SUCLG2: variants seen among roughly 807,000 people sequenced by gnomAD.
SUCLG2 encodes the protein succinate-CoA ligase GDP-forming subunit beta, also known as succinate--CoA ligase [GDP-forming] subunit beta, mitochondrial.
A neutral mutation model predicts 47.9 loss-of-function variants in SUCLG2; 42 were observed. The observed-to-expected ratio is 0.88, with a 90% CI of 0.69 to 1.14. SUCLG2 has a LOEUF of 1.14. Ranked by LOEUF, SUCLG2 falls within the 50% of genes most tolerant of loss-of-function variation. SUCLG2 has a pLI of 0.00. For missense variants in SUCLG2, 571 were observed against 525.9 expected (o/e 1.09, Z -0.84); for synonymous variants, 195 against 197.3 (o/e 0.99, Z 0.10).
chr3:67,453,223 C>T (rs1235792343), intron 9 of SUCLG2, among the ~76,000 whole-genome samples: 1 of 149,930 alleles, frequency 6.7e-6, no homozygotes, highest in Non-Finnish European at 1.5e-5. Flanking sequence ...ATTCAGACTT[C>T]TTTTTTTTTT....
chr3:67,507,699 A>C (rs1430861420), intron 7 of SUCLG2, among the ~76,000 whole-genome samples: 1 of 152,204 alleles, frequency 6.6e-6, no homozygotes, highest in East Asian at 1.9e-4. Context: ...TGCTAAGGAG[A>C]AAATATTGTC....
At chr3:67,463,702 G>T (rs1704394637) in intron 9 of SUCLG2, among the ~76,000 whole-genome samples, 2 of 152,142 alleles carry the variant, frequency 1.3e-5, no homozygotes, top group African/African-American at 4.8e-5. Context: ...GATACTGTTA[G>T]CCTGGAAAAT....
At chr3:67,496,459 C>T (rs1705342602) in intron 8 of SUCLG2, among the ~76,000 whole-genome samples, 1 of 152,166 alleles carries the variant, frequency 6.6e-6, no homozygotes, top group Non-Finnish European at 1.5e-5. Context: ...ACAGGCTTCC[C>T]AACTTCAGTG....
chr3:67,495,159 T>A (rs1705298668), intron 9 of SUCLG2, among the ~76,000 whole-genome samples: 2 of 152,276 alleles, frequency 1.3e-5, no homozygotes, highest in South Asian at 4.1e-4. Context: ...TACTCTTCCC[T>A]CTAAATCATG....
chr3:67,439,295 A>G (rs1703699989), intron 9 of SUCLG2, among the ~76,000 whole-genome samples: 1 of 152,222 alleles, frequency 6.6e-6, no homozygotes, highest in South Asian at 2.1e-4. Flanking sequence ...TGAATGGGCA[A>G]AAGCTGGAAG....
At chr3:67,440,368 A>G (rs550553240) in intron 9 of SUCLG2, among the ~76,000 whole-genome samples, 10 of 152,374 alleles carry the variant, frequency 6.6e-5, no homozygotes, top group African/African-American at 2.2e-4. Flanking sequence ...AACAAAAGCC[A>G]AAATTGACAA....
intron 10 of SUCLG2, among the ~76,000 whole-genome samples, chr3:67,377,385 G>C (rs1289921119): frequency 3.3e-5 from 5 of 152,210 alleles, no homozygotes; most frequent in Non-Finnish European, 7.3e-5. Context: ...ATCTGTGGCA[G>C]GCCTGGCTGG....
intron 10 of SUCLG2, among the ~76,000 whole-genome samples, chr3:67,368,799 T>A (rs569199240): frequency 1.3e-5 from 2 of 152,050 alleles, no homozygotes; most frequent in South Asian, 4.2e-4. Context: ...AGAGGAGGGG[T>A]TTCACCATGC....
chr3:67,491,822 C>T (rs905741476), intron 9 of SUCLG2, among the ~76,000 whole-genome samples: 44 of 152,106 alleles, frequency 2.9e-4, no homozygotes, highest in African/African-American at 1.0e-3. Flanking sequence ...TATTTTCCCT[C>T]TAAATGAAAA....
intron 2 of SUCLG2, among the ~76,000 whole-genome samples, chr3:67,552,136 G>A (rs921495330): frequency 1.5e-5 from 2 of 132,446 alleles, no homozygotes; most frequent in Admixed American, 1.7e-4. Flanking sequence ...GAAAACACTT[G>A]CACTCCAGCC....
chr3:67,600,675 C>A (rs1708400181), intron 2 of SUCLG2, among the ~76,000 whole-genome samples: 1 of 152,206 alleles, frequency 6.6e-6, no homozygotes, highest in Admixed American at 6.5e-5. Flanking sequence ...TTCCCAGCCA[C>A]CCTTGAAGTT....
intron 2 of SUCLG2, among the ~76,000 whole-genome samples, chr3:67,571,852 T>G (rs1433136603): frequency 6.6e-6 from 1 of 152,232 alleles, no homozygotes; most frequent in Non-Finnish European, 1.5e-5. Flanking sequence ...TATGCAAAAT[T>G]TGTCTTCTCT....
chr3:67,504,313 A>C (rs1286255080), intron 7 of SUCLG2, among the ~76,000 whole-genome samples: 1 of 152,182 alleles, frequency 6.6e-6, no homozygotes, highest in Non-Finnish European at 1.5e-5. Flanking sequence ...TTGTGTATAA[A>C]GACAGAAACA....
intron 9 of SUCLG2, among the ~76,000 whole-genome samples, chr3:67,484,254 T>C (rs1368500376): frequency 6.6e-6 from 1 of 152,110 alleles, no homozygotes; most frequent in African/African-American, 2.4e-5. Flanking sequence ...AGTCCTAGAG[T>C]ATGGCCCCCA....
chr3:67,381,241 G>C (rs968208047), intron 10 of SUCLG2, among the ~76,000 whole-genome samples: 2 of 151,972 alleles, frequency 1.3e-5, no homozygotes, highest in African/African-American at 4.8e-5. Flanking sequence ...AAACAGCAGA[G>C]AGTGGAAACA....
intron 2 of SUCLG2, among the ~76,000 whole-genome samples, chr3:67,577,495 T>A (rs6787983): frequency 0.27 from 40,520 of 152,016 alleles, 6,189 homozygotes; most frequent in East Asian, 0.42. Flanking sequence ...TACATGGAAA[T>A]GACACAGGAG....
chr3:67,364,548 C>T (rs976961210), intron 10 of SUCLG2, among the ~76,000 whole-genome samples: 2 of 152,102 alleles, frequency 1.3e-5, no homozygotes, highest in Non-Finnish European at 2.9e-5. Flanking sequence ...TCAGTGGAGG[C>T]GTAATGAAAA....
chr3:67,512,246 A>T (rs887584984), intron 6 of SUCLG2, among the ~76,000 whole-genome samples: 1 of 151,254 alleles, frequency 6.6e-6, no homozygotes, highest in Non-Finnish European at 1.5e-5. Flanking sequence ...GAGTATTTTT[A>T]AAAATTCTCC....
intron 9 of SUCLG2, among the ~76,000 whole-genome samples, chr3:67,410,218 T>C (rs2106834577): frequency 6.6e-6 from 1 of 152,316 alleles, no homozygotes; most frequent in South Asian, 2.1e-4. Flanking sequence ...ATCATTTCAT[T>C]ATTTAGGTCA....
Sources: allele counts gnomAD v4.1 joint callset (sites outside exome capture counted in the v4.1 genomes callset), GRCh38; gene constraint gnomAD v4.1.1; transcripts MANE v1.5; gene names NCBI Gene and HGNC (gene_info 2026-07-23, HGNC 2026-07-21).